Variants in ARID4A observed in about 807,000 individuals in gnomAD.
The protein encoded by ARID4A is AT-rich interaction domain 4A, also known as AT-rich interactive domain-containing protein 4A.
Under a neutral mutation model 148.6 loss-of-function variants are expected in ARID4A, and 39 were observed. That is an observed-to-expected ratio of 0.26 (90% CI 0.20 to 0.34). The LOEUF (loss-of-function observed/expected upper bound fraction) is 0.34, where lower values mean the gene tolerates loss of function less well. Ranked by LOEUF, ARID4A falls within the 10% of genes least tolerant of loss-of-function variation. The pLI is 1.00. For missense variants in ARID4A, 1,265 were observed against 1,449.1 expected (o/e 0.87, Z 2.06); for synonymous variants, 475 against 481.2 (o/e 0.99, Z 0.17).
At chr14:58,350,357 A>G (rs1250310370) in intron 15 of ARID4A, among the ~76,000 whole-genome samples, 1 of 152,170 alleles carries the variant, frequency 6.6e-6, no homozygotes, top group African/African-American at 2.4e-5. Context: ...CTTTATTCCA[A>G]GAAGAGGAGA....
chr14:58,317,833 C>A (rs926629655), intron 5 of ARID4A, among the ~76,000 whole-genome samples: 9 of 151,694 alleles, frequency 5.9e-5, no homozygotes, highest in African/African-American at 1.9e-4. Flanking sequence ...TTATTTCAAC[C>A]TTTATTTCTA....
At chr14:58,352,134 A>G (rs898367889) in intron 16 of ARID4A, among the ~76,000 whole-genome samples, 4 of 152,210 alleles carry the variant, frequency 2.6e-5, no homozygotes, top group African/African-American at 9.6e-5. Flanking sequence ...ATTATGTGAT[A>G]TTAAATTTTC....
chr14:58,370,958 G>A (rs998302084), intron 23 of ARID4A, among the ~76,000 whole-genome samples: 3 of 152,068 alleles, frequency 2.0e-5, no homozygotes, highest in African/African-American at 7.2e-5. Flanking sequence ...TTTATAATGA[G>A]TTATTAAATT....
rs567030990 is a variant in ARID4A at position 58,314,402 on chromosome 14, TA to T, written c.275-4138del. On this transcript the variant is annotated intron_variant, in intron 5 of 23. Transcript: ENST00000355431. ...TGATCATCAGGGATGTCATGATTGA[TA>T]AGTTCATAATGTTGTTGGTTTTATA... Among the ~76,000 whole-genome samples the T allele has an allele frequency of 2.2e-3, 335 of 152,298 alleles. 1 individual carries two copies. The highest frequency in any genetic ancestry group is 2.6e-3 in the Non-Finnish European group (178 of 68,020).
At chr14:58,301,855 G>C (rs575643175) in intron 3 of ARID4A, among the ~76,000 whole-genome samples, 165 bp downstream of exon 3, 1 of 152,212 alleles carries the variant, frequency 6.6e-6, no homozygotes, top group Non-Finnish European at 1.5e-5. Context: ...AAACTCAAAA[G>C]GAGAAATTAT....
intron 5 of ARID4A, among the ~76,000 whole-genome samples, chr14:58,317,335 A>G (rs1051927549): frequency 7.3e-6 from 1 of 137,790 alleles, no homozygotes; most frequent in Non-Finnish European, 1.5e-5. Context: ...TAGAGGCTGG[A>G]GTGCAGTGGT....
At chr14:58,349,942 C>G (rs1016175825) in intron 15 of ARID4A, among the ~76,000 whole-genome samples, 1 of 151,520 alleles carries the variant, frequency 6.6e-6, no homozygotes, top group African/African-American at 2.4e-5. Flanking sequence ...AACCCTGTCT[C>G]TACTAAAAAT....
chr14:58,345,941 G>A (rs2034343791), intron 12 of ARID4A, among the ~76,000 whole-genome samples: 1 of 151,242 alleles, frequency 6.6e-6, no homozygotes, highest in Non-Finnish European at 1.5e-5. Flanking sequence ...TCACCATGTT[G>A]CCCAGGCTGG....
intron 8 of ARID4A, among the ~76,000 whole-genome samples, chr14:58,327,262 C>A (rs1379100711): frequency 6.6e-6 from 1 of 152,116 alleles, no homozygotes; most frequent in Non-Finnish European, 1.5e-5. Flanking sequence ...CATCAGTGCA[C>A]AAAGGTCTGT....
intron 11 of ARID4A, among the ~76,000 whole-genome samples, chr14:58,334,794 T>C (rs542404996): frequency 6.6e-6 from 1 of 152,298 alleles, no homozygotes; most frequent in East Asian, 1.9e-4. Context: ...TCTCTTTTCT[T>C]GCATCTTTAA....
intron 18 of ARID4A, among the ~76,000 whole-genome samples, chr14:58,360,030 C>T (rs1174222330): frequency 2.0e-5 from 3 of 150,394 alleles, no homozygotes; most frequent in African/African-American, 4.9e-5. Context: ...CGCGCCACTG[C>T]GCTCCAGCCT....
intron 11 of ARID4A, chr14:58,331,410 A>C (rs2033513087): frequency 6.6e-6 from 1 of 152,194 alleles, no homozygotes; most frequent in East Asian, 1.9e-4. Flanking sequence ...ATGCCCTAAG[A>C]GGGAAAGCAA....
chr14:58,340,676 G>T (rs1187103538), intron 11 of ARID4A, among the ~76,000 whole-genome samples: 3 of 151,488 alleles, frequency 2.0e-5, no homozygotes, highest in African/African-American at 4.9e-5. Flanking sequence ...GTAGAGACGG[G>T]ACTTCACCAT....
rs1376611583 is a variant in ARID4A at position 58,361,075 on chromosome 14, A to T, written c.2080+33A>T. 1.9e-6 allele frequency: 3 copies of T among 1,578,518 alleles called. No individual in the cohort carries two copies. In the South Asian group the frequency reaches 3.5e-5, roughly 18 times the overall value. On this transcript the variant is annotated intron_variant, in intron 19 of 23. Coordinates refer to ENST00000355431, the MANE Select transcript of ARID4A (RefSeq NM_002892.4). ...AAGTGCTCGCAGCAATATACCAGAC[A>T]GCTCACCTCTGTCAAATGGAATGGA...
intron 5 of ARID4A, among the ~76,000 whole-genome samples, chr14:58,308,005 T>TA (rs10628433): frequency 2.6e-5 from 4 of 151,502 alleles, no homozygotes; most frequent in African/African-American, 4.8e-5. Flanking sequence ...TGTACTCACT[T>TA]TGAAGCTTTA....
At chr14:58,358,468 C>A (rs1265138183) in intron 17 of ARID4A, among the ~76,000 whole-genome samples, 2 of 151,500 alleles carry the variant, frequency 1.3e-5, no homozygotes, top group African/African-American at 4.9e-5. Flanking sequence ...ACTAGCCCCC[C>A]AAAAATAAAA....
intron 23 of ARID4A, among the ~76,000 whole-genome samples, chr14:58,367,270 C>G (rs1268533841): frequency 6.6e-6 from 1 of 152,188 alleles, no homozygotes. Context: ...GATGGATTCT[C>G]AGGTAGAGCA....
Position 58,365,285 on chromosome 14 carries a change from G to C in ARID4A, c.3196G>C (p.Glu1066Gln). ...CTGTAGTATAATTGTACAAGAGAGA[G>C]AGAGCAGAGAGAAGGGTAAGGACTT... ...GTCSIIVQERESREKGQKRPS... is the reference protein window; with the variant it reads ...GTCSIIVQERQSREKGQKRPS... Residue 1066 changes from glutamate to glutamine, a missense_variant, in exon 20 of 24, where the codon GAG (glutamate) becomes CAG (glutamine). Physicochemically the swap from Glu to Gln is conservative, Grantham distance 29 (BLOSUM62 2). Transcript: ENST00000355431. 1.9e-6 allele frequency: 3 copies of C among 1,611,546 alleles called. No individual in the cohort carries two copies. The highest frequency in any genetic ancestry group is 1.7e-6 in the Non-Finnish European group (2 of 1,178,854).
chr14:58,338,422 T>C (rs897240367), intron 11 of ARID4A, among the ~76,000 whole-genome samples: 1 of 152,216 alleles, frequency 6.6e-6, no homozygotes, highest in Non-Finnish European at 1.5e-5. Flanking sequence ...CTGCCACTTC[T>C]GATGTACTCC....
Sources: allele counts gnomAD v4.1 joint callset (sites outside exome capture counted in the v4.1 genomes callset), GRCh38; gene constraint gnomAD v4.1.1; transcripts MANE v1.5; gene names NCBI Gene and HGNC (gene_info 2026-07-23, HGNC 2026-07-21).